The following GSE1 variants were observed in gnomAD, a reference collection of about 807,000 sequenced individuals.
GSE1 encodes the protein genetic suppressor element 1.
A neutral mutation model predicts 112.6 loss-of-function variants in GSE1; 32 were observed. The ratio of observed to expected loss-of-function variants is 0.28; its 90% CI spans 0.21 to 0.38. The LOEUF (loss-of-function observed/expected upper bound fraction) is 0.38, where lower values mean the gene tolerates loss of function less well. Among genes scored for constraint, GSE1 ranks in the 10% least tolerant of loss-of-function variants. The pLI is 1.00. For missense variants in GSE1, 2,348 were observed against 1,699.2 expected (o/e 1.38, Z -6.71); for synonymous variants, 1,115 against 735.6 (o/e 1.52, Z -8.35).
chr16:85,441,010 C>A (rs146380779), intron 2 of GSE1, among the ~76,000 whole-genome samples: 1 of 152,194 alleles, frequency 6.6e-6, no homozygotes, highest in African/African-American at 2.4e-5. Context: ...AACGCATATG[C>A]TGGGCCACAC....
intron 1 of GSE1, among the ~76,000 whole-genome samples, chr16:85,196,942 C>T (rs540638578): frequency 2.6e-5 from 4 of 152,310 alleles, no homozygotes; most frequent in Non-Finnish European, 5.9e-5. Context: ...GAAGCCTGTA[C>T]TGCGTCAGAG....
intron 1 of GSE1, among the ~76,000 whole-genome samples, chr16:85,599,079 G>A (rs2047356663): frequency 6.6e-6 from 1 of 152,184 alleles, no homozygotes; most frequent in South Asian, 2.1e-4. Context: ...ATCTTCGTGC[G>A]CCGATAGAAG....
intron 3 of GSE1, among the ~76,000 whole-genome samples, chr16:85,649,544 T>A (rs905720482): frequency 2.0e-5 from 3 of 152,182 alleles, no homozygotes; most frequent in Non-Finnish European, 2.9e-5. Flanking sequence ...GACTGGGGCC[T>A]GCCTGTGTGG....
At chr16:85,624,762 G>A (rs372491360) in intron 1 of GSE1, among the ~76,000 whole-genome samples, 11 of 152,268 alleles carry the variant, frequency 7.2e-5, no homozygotes, top group South Asian at 2.1e-4. Flanking sequence ...CCTGGGCACC[G>A]CCAGGACCAC....
intron 2 of GSE1, among the ~76,000 whole-genome samples, chr16:85,525,150 G>A (rs751788692): frequency 5.3e-5 from 8 of 152,054 alleles, no homozygotes; most frequent in Non-Finnish European, 8.8e-5. Flanking sequence ...GGGCCAGGGG[G>A]TAACTGGCCC....
At position 85,415,077 on chromosome 16, in the gene GSE1, T is replaced by G. The variant is rs887839868; in HGVS notation, c.2464+57434T>G. 1.9e-4 allele frequency among the ~76,000 whole-genome samples: 29 copies of G among 152,210 alleles called. 1 individual carries two copies. The highest frequency in any genetic ancestry group is 5.1e-4 in the African/African-American group (21 of 41,448). ...CTCTTGCCTCAGCCTCCTGACTAGC[T>G]GGGACCTTGGGTGTGCACCACCATG... On this transcript the variant is annotated intron_variant, in intron 2 of 2. Transcript: ENST00000637419.
intron 2 of GSE1, among the ~76,000 whole-genome samples, chr16:85,428,387 G>C (rs2049040942): frequency 6.6e-6 from 1 of 152,248 alleles, no homozygotes; most frequent in Non-Finnish European, 1.5e-5. Context: ...TCTGGCTTCA[G>C]AGCTCAGCTC....
At chr16:85,317,094 A>T (rs1446257734) in intron 1 of GSE1, among the ~76,000 whole-genome samples, 1 of 152,152 alleles carries the variant, frequency 6.6e-6, no homozygotes, top group East Asian at 1.9e-4. Context: ...TGTCTATTTA[A>T]CCATGAGCGT....
chr16:85,658,462 G>A (rs2052159350), intron 8 of GSE1, among the ~76,000 whole-genome samples: 1 of 152,244 alleles, frequency 6.6e-6, no homozygotes, highest in African/African-American at 2.4e-5. Context: ...AGGCTGTGAT[G>A]CTGTCCTGGG....
chr16:85,524,169 C>T (rs2052286433), intron 2 of GSE1, among the ~76,000 whole-genome samples: 1 of 152,142 alleles, frequency 6.6e-6, no homozygotes, highest in Admixed American at 6.5e-5. Context: ...ATTCCTGTGG[C>T]TGCAGGTGGC....
upstream of GSE1, chr16:85,554,813 G>C: frequency 1.1e-6 from 1 of 877,732 alleles, no homozygotes; most frequent in Non-Finnish European, 1.4e-6. Flanking sequence ...GCGGGCGGGC[G>C]GGCGGCCAGA....
chr16:85,611,551 C>G (rs538202481), upstream of GSE1: 4 of 854,032 alleles, frequency 4.7e-6, no homozygotes, highest in African/African-American at 7.3e-5. Flanking sequence ...AGTAACGGCC[C>G]GACCCGGCCT....
chr16:85,623,539 T>G (rs1482756169), intron 1 of GSE1, among the ~76,000 whole-genome samples: 1 of 152,130 alleles, frequency 6.6e-6, no homozygotes, highest in Non-Finnish European at 1.5e-5. Flanking sequence ...CCAAGCCCTT[T>G]TTGCTCTGCC....
At chr16:85,553,272 A>ACCCCGCCGCCCCGCCG (rs1555531376), upstream of GSE1, among the ~76,000 whole-genome samples, 14 of 147,796 alleles carry the variant, frequency 9.5e-5, no homozygotes, top group African/African-American at 2.7e-4. Context: ...CCGGACCCCG[A>ACCCCGCCGCCCCGCCG]CCCCGCCGCC....
chr16:85,385,604 G>A (rs562840992), intron 2 of GSE1, among the ~76,000 whole-genome samples: 5 of 152,198 alleles, frequency 3.3e-5, no homozygotes, highest in Non-Finnish European at 5.9e-5. Flanking sequence ...AGCAAGTCCC[G>A]TGGCACCCCC....
At chr16:85,665,183 C>A in intron 12 of GSE1, 55 bp downstream of exon 12, 1 of 1,089,974 alleles carries the variant, frequency 9.2e-7, no homozygotes, top group Non-Finnish European at 1.4e-6. Context: ...ATGGGCTGCC[C>A]AGGCTCAGAG....
chr16:85,335,706 G>A (rs745884836), intron 1 of GSE1, among the ~76,000 whole-genome samples: 6 of 152,220 alleles, frequency 3.9e-5, no homozygotes, highest in South Asian at 2.1e-4. Context: ...GTTGGCTGCC[G>A]GGAGAAAGAG....
At chr16:85,423,393 G>C (rs938081458) in intron 2 of GSE1, among the ~76,000 whole-genome samples, 2 of 152,208 alleles carry the variant, frequency 1.3e-5, no homozygotes, top group African/African-American at 4.8e-5. Context: ...TGCTGCACCT[G>C]AGATCCCTGG....
At chr16:85,430,429 G>A (rs9938343) in intron 2 of GSE1, among the ~76,000 whole-genome samples, 12,851 of 152,236 alleles carry the variant, frequency 0.084, 888 homozygotes, top group East Asian at 0.41. Flanking sequence ...CACCCAGCCC[G>A]GTAGGGCCAG....
Sources: allele counts gnomAD v4.1 joint callset (sites outside exome capture counted in the v4.1 genomes callset), GRCh38; gene constraint gnomAD v4.1.1; transcripts MANE v1.5; gene names NCBI Gene and HGNC (gene_info 2026-07-23, HGNC 2026-07-21).